The following NAA16 variants were observed in gnomAD, a reference collection of about 807,000 sequenced individuals.
NAA16 encodes the protein NARG1-like protein.
NAA16 carries 97 observed loss-of-function variants against 110.3 expected under a neutral mutation model. The ratio of observed to expected loss-of-function variants is 0.88; its 90% CI spans 0.75 to 1.04. The LOEUF (loss-of-function observed/expected upper bound fraction) is 1.04, where lower values mean the gene tolerates loss of function less well. Ranked by LOEUF, NAA16 falls within the 50% of genes least tolerant of loss-of-function variation. NAA16 has a pLI of 0.00. For missense variants in NAA16, 1,017 were observed against 1,005.1 expected (o/e 1.01, Z -0.16); for synonymous variants, 372 against 330.6 (o/e 1.13, Z -1.36).
intron 2 of NAA16, 121 bp downstream of exon 2, chr13:41,317,051 T>C: frequency 3.0e-6 from 2 of 667,578 alleles, no homozygotes; most frequent in Non-Finnish European, 5.3e-6. Context: ...AGTGCATAAA[T>C]GTTCAGCATT....
chr13:41,359,278 C>T (rs1286227052), intron 12 of NAA16, among the ~76,000 whole-genome samples: 1 of 152,006 alleles, frequency 6.6e-6, no homozygotes, highest in African/African-American at 2.4e-5. Context: ...ATCCTTTGTC[C>T]CCCTAGTAAT....
At chr13:41,350,297 G>GT (rs71086566) in intron 9 of NAA16, among the ~76,000 whole-genome samples, 119 of 127,362 alleles carry the variant, frequency 9.3e-4, no homozygotes, top group Middle Eastern at 3.7e-3. Context: ...AATCAGTTTT[G>GT]TTTTTTTTTT....
rs1829033564 is a variant in NAA16, at chr13:41,318,803, C to T, written c.140-3C>T. 1.3e-6 allele frequency: 2 copies of T among 1,513,562 alleles called. No individual in the cohort carries two copies. The highest frequency in any genetic ancestry group is 1.3e-5 in the South Asian group (1 of 77,522). 93.8% of individuals were successfully genotyped at this position (1,513,562 alleles called of 1,614,324 possible). ...TAAATAGAGTTTAAAAATTATTTTT[C>T]AGAGACTTTGGCTATGAAAGGATTA... On this transcript the variant is annotated splice_polypyrimidine_tract_variant and splice_region_variant and intron_variant, in intron 2 of 19. Transcript: ENST00000379406.
chr13:41,327,811 C>G (rs140230013), intron 6 of NAA16: 1 of 151,684 alleles, frequency 6.6e-6, no homozygotes, highest in Non-Finnish European at 1.5e-5. Flanking sequence ...AAGGCACTTT[C>G]TCCACGTCAC....
Position 41,374,972 on chromosome 13 carries a change from C to T in NAA16, c.2397+133C>T, listed in dbSNP as rs771909710. 69 of 609,370 alleles carry T rather than the reference C, an allele frequency of 1.1e-4. No homozygotes were observed. In the Middle Eastern group the frequency reaches 1.4e-3, roughly 12 times the overall value. The allele number at this position is 609,370 out of a possible 1,614,324, so 37.7% of individuals were successfully genotyped here. ...TCCCAGCTCTATCAATTATGAGATG[C>T]GTAACTTTAGGCAGGTTATGTCTCT... On this transcript the variant is annotated intron_variant, in intron 19 of 19. Coordinates refer to ENST00000379406, the MANE Select transcript of NAA16 (RefSeq NM_024561.5).
At chr13:41,346,063 T>C (rs1188997634) in intron 9 of NAA16, among the ~76,000 whole-genome samples, 2 of 152,224 alleles carry the variant, frequency 1.3e-5, no homozygotes, top group Non-Finnish European at 2.9e-5. Context: ...TCTGGTCTTA[T>C]CTAAAAACCA....
At chr13:41,355,533 G>GA (rs1214698061) in intron 10 of NAA16, among the ~76,000 whole-genome samples, 1 of 152,148 alleles carries the variant, frequency 6.6e-6, no homozygotes, top group Non-Finnish European at 1.5e-5. Flanking sequence ...GGGTTCAACT[G>GA]ATGCTCCTGC....
chr13:41,354,355 C>T (rs138992840), intron 9 of NAA16, among the ~76,000 whole-genome samples: 16 of 152,110 alleles, frequency 1.1e-4, no homozygotes, highest in African/African-American at 3.4e-4. Flanking sequence ...AAATGGTATG[C>T]GTGAAGAGGT....
At chr13:41,372,430 C>T in intron 16 of NAA16, 119 bp downstream of exon 16, 1 of 1,354,314 alleles carries the variant, frequency 7.4e-7, no homozygotes, top group Non-Finnish European at 9.5e-7. Context: ...TCTACAAAGG[C>T]TCTTTTCCTT....
chr13:41,356,170 T>C (rs150901376), intron 10 of NAA16, among the ~76,000 whole-genome samples: 8 of 151,732 alleles, frequency 5.3e-5, no homozygotes, highest in South Asian at 2.1e-4. Context: ...TGTGTGTGTG[T>C]GCATACGCGC....
intron 9 of NAA16, among the ~76,000 whole-genome samples, chr13:41,354,120 CT>C (rs2042917941): frequency 6.6e-6 from 1 of 152,070 alleles, no homozygotes; most frequent in African/African-American, 2.4e-5. Context: ...ATAGTCCTAC[CT>C]TATTTCCACA....
At chr13:41,353,577 C>T (rs1593496625) in intron 9 of NAA16, among the ~76,000 whole-genome samples, 1 of 138,080 alleles carries the variant, frequency 7.2e-6, no homozygotes, top group South Asian at 2.4e-4. Flanking sequence ...CAAGCCTAGG[C>T]AATGTAGTGA....
chr13:41,323,369 G>A (rs7988704), intron 5 of NAA16, among the ~76,000 whole-genome samples, 179 bp downstream of exon 5: 147 of 141,162 alleles, frequency 1.0e-3, no homozygotes, highest in African/African-American at 3.3e-3. Context: ...TTTTTTTTCC[G>A]AGACGGAGTC....
intron 8 of NAA16, 81 bp downstream of exon 8, chr13:41,331,450 G>T: frequency 9.7e-7 from 1 of 1,029,448 alleles, no homozygotes; most frequent in Non-Finnish European, 1.4e-6. Flanking sequence ...ACGTGTTTCT[G>T]GTATAGAGTT....
At chr13:41,324,960 T>TTTC (rs1457831856) in intron 5 of NAA16, among the ~76,000 whole-genome samples, 1 of 147,924 alleles carries the variant, frequency 6.8e-6, no homozygotes, top group East Asian at 2.0e-4. Flanking sequence ...TAGTTTAGTT[T>TTTC]TTTTTTTTTT....
At chr13:41,358,195 TCTTG>T (rs1423304872) in intron 10 of NAA16, 105 bp from the exon 11 acceptor site, 2 of 976,790 alleles carry the variant, frequency 2.0e-6, no homozygotes, top group African/African-American at 1.7e-5. Flanking sequence ...GCTGAGTCTT[TCTTG>T]CTTATTATTA....
At chr13:41,321,997 T>G (rs2041959210) in intron 4 of NAA16, among the ~76,000 whole-genome samples, 1 of 152,138 alleles carries the variant, frequency 6.6e-6, no homozygotes, top group Non-Finnish European at 1.5e-5. Context: ...TTAGATGTGG[T>G]TGGAGTTAAA....
intron 13 of NAA16, among the ~76,000 whole-genome samples, chr13:41,365,919 C>T (rs1217768997): frequency 6.6e-6 from 1 of 152,184 alleles, no homozygotes; most frequent in African/African-American, 2.4e-5. Flanking sequence ...GTCCTGTAAT[C>T]TCTTAGATGT....
At chr13:41,316,756 G>C in intron 1 of NAA16, 90 bp from the exon 2 acceptor site, 1 of 808,064 alleles carries the variant, frequency 1.2e-6, no homozygotes, top group East Asian at 2.6e-5. Context: ...CCTAATTTTG[G>C]ATCTTGAGTT....
Sources: gnomAD v4.1 joint callset for allele counts (sites outside exome capture counted in the v4.1 genomes callset) on GRCh38, gnomAD v4.1.1 for gene constraint, MANE v1.5 for transcripts, NCBI Gene and HGNC (gene_info 2026-07-23, HGNC 2026-07-21) for gene names.